ADAM9: variants seen among roughly 807,000 people sequenced by gnomAD.
The protein encoded by ADAM9 is ADAM metallopeptidase domain 9, also known as disintegrin and metalloproteinase domain-containing protein 9.
Under a neutral mutation model 108.1 loss-of-function variants are expected in ADAM9, and 54 were observed. The ratio of observed to expected loss-of-function variants is 0.50; its 90% CI spans 0.40 to 0.63. ADAM9 has a LOEUF of 0.63. Among genes scored for constraint, ADAM9 ranks in the 20% least tolerant of loss-of-function variants. ADAM9 has a pLI of 0.00. For synonymous variants in ADAM9, 316 were observed against 336.0 expected, an observed-to-expected ratio of 0.94 and a Z score of 0.65; for missense variants, 830 against 997.7, an observed-to-expected ratio of 0.83 and a Z score of 2.26.
intron 13 of ADAM9, 29 bp downstream of exon 13, chr8:39,054,602 G>GAAAAAAAAAAAAAAA: frequency 5.3e-6 from 5 of 944,768 alleles, no homozygotes; most frequent in Admixed American, 3.0e-5. Flanking sequence ...TTGGAAACAG[G>GAAAAAAAAAAAAAAA]AAAAAAAAAA....
intron 20 of ADAM9, among the ~76,000 whole-genome samples, chr8:39,093,279 A>G (rs994668618): frequency 4.6e-5 from 7 of 152,006 alleles, no homozygotes; most frequent in African/African-American, 1.7e-4. Flanking sequence ...TGTTTCATAG[A>G]TTTCCTTGTA....
intron 11 of ADAM9, among the ~76,000 whole-genome samples, chr8:39,027,428 C>T (rs142688236): frequency 5.3e-5 from 8 of 152,286 alleles, no homozygotes; most frequent in African/African-American, 1.2e-4. Flanking sequence ...CCATTTAAAA[C>T]GTATCCACTC....
At chr8:39,051,770 A>G (rs1171393240) in intron 12 of ADAM9, among the ~76,000 whole-genome samples, 1 of 152,150 alleles carries the variant, frequency 6.6e-6, no homozygotes, top group Non-Finnish European at 1.5e-5. Flanking sequence ...GTATCATTTT[A>G]TTATGTAGAC....
chr8:39,014,172 T>C (rs1265417655), intron 4 of ADAM9, 129 bp downstream of exon 4: 3 of 747,976 alleles, frequency 4.0e-6, no homozygotes, highest in Non-Finnish European at 6.9e-6. Context: ...TTATAACATA[T>C]GGGTTATCTT....
rs1564301873 is a variant in ADAM9 at position 39,045,439 on chromosome 8, C to CACACCTATATGTGCGT, written c.1302+3322_1302+3323insACACCTATATGTGCGT. 5.9e-3 allele frequency among the ~76,000 whole-genome samples: 201 copies of CACACCTATATGTGCGT among 34,298 alleles called. 16 individuals are homozygous for CACACCTATATGTGCGT. The highest frequency in any genetic ancestry group is 0.011 in the African/African-American group (127 of 11,432). 22.5% of individuals were successfully genotyped at this position (34,298 alleles called of 152,430 possible). A position where few individuals can be genotyped will look rare whatever the true frequency, so the allele number is the denominator to read the frequency against. Reference sequence around the variant, plus strand: ...GTGTGTACACACACCTATATGTGCGCGTGTGTACACACACCTATATGTGCG... The same window carrying CACACCTATATGTGCGT: ...GTGTGTACACACACCTATATGTGCGCACACCTATATGTGCGTGTGTGTACACACACCTATATGTGCG... On this transcript the variant is annotated intron_variant, in intron 12 of 21. Transcript: ENST00000487273.
chr8:39,013,876 T>C (rs62504420), intron 3 of ADAM9, 89 bp from the exon 4 acceptor site: 1 of 1,005,482 alleles, frequency 9.9e-7, no homozygotes, highest in Non-Finnish European at 1.6e-6. Flanking sequence ...TACTCCTGCT[T>C]GTCTCCTCTA....
chr8:39,003,571 A>G (rs1267362990), intron 1 of ADAM9, among the ~76,000 whole-genome samples: 1 of 151,954 alleles, frequency 6.6e-6, no homozygotes, highest in African/African-American at 2.4e-5. Context: ...TGACCTAGAG[A>G]TAAGAAAGGA....
In ADAM9 at chr8:39,071,367, G is replaced by C; in HGVS notation, c.1661G>C (p.Gly554Ala). ...AAAGGTGACAGATTTGGCAATTGTG[G>C]TTTCTCTGGCAATGAATACAAGAAG... ...NSKGDRFGNC[G>A]FSGNEYKKCA... Residue 554 changes from glycine to alanine, a missense_variant, in exon 15 of 22, where the codon GGT becomes GCT. Physicochemically the swap from Gly to Ala is moderately conservative, Grantham distance 60. This residue lies in a region of ADAM9 where 381 missense variants were observed against 539.8 expected (regional missense o/e 0.71). Coordinates refer to ENST00000487273, the MANE Select transcript of ADAM9 (RefSeq NM_003816.3). 6.2e-7 allele frequency: 1 copy of C among 1,613,842 alleles called. No homozygotes were observed. The highest frequency in any genetic ancestry group is 8.5e-7 in the Non-Finnish European group (1 of 1,179,926).
At chr8:39,002,870 G>A (rs543017988) in intron 1 of ADAM9, among the ~76,000 whole-genome samples, 22 of 151,614 alleles carry the variant, frequency 1.5e-4, no homozygotes, top group African/African-American at 4.1e-4. Flanking sequence ...AGTCTCCCTC[G>A]GAGGTTGCCC....
At chr8:39,014,131 C>A (rs532633984) in intron 4 of ADAM9, 88 bp downstream of exon 4, 17 of 1,028,624 alleles carry the variant, frequency 1.7e-5, no homozygotes, top group Non-Finnish European at 2.5e-5. Flanking sequence ...AGGACTGTTA[C>A]ATTGCACAGC....
rs1411157296 is a variant in ADAM9 at position 39,041,964 on chromosome 8, C to T, written c.1149C>T (p.Ser383=). Residue 383 remains serine, a synonymous_variant, in exon 12 of 22, where the codon AGC becomes AGT. Transcript: ENST00000487273. ...NSGASGSRNF[S]SCSAEDFEKL... Reference sequence around the variant, plus strand: ...ATTATAGGGGTTCCAGAAACTTTAGCAGTTGCAGTGCAGAGGACTTTGAGA... The same window carrying T: ...ATTATAGGGGTTCCAGAAACTTTAGTAGTTGCAGTGCAGAGGACTTTGAGA... The T allele has an allele frequency of 3.1e-6, 5 of 1,613,782 alleles. No homozygotes were observed. The highest frequency in any genetic ancestry group is 4.2e-6 in the Non-Finnish European group (5 of 1,179,850).
At chr8:39,003,159 A>C (rs1303377817) in intron 1 of ADAM9, among the ~76,000 whole-genome samples, 1 of 152,252 alleles carries the variant, frequency 6.6e-6, no homozygotes, top group East Asian at 1.9e-4. Context: ...AATTGTGTTT[A>C]AAATGCAAAA....
At chr8:39,015,429 A>G (rs1433875850) in intron 4 of ADAM9, 1 of 152,232 alleles carries the variant, frequency 6.6e-6, no homozygotes, top group Non-Finnish European at 1.5e-5. Flanking sequence ...CTTAAGTATC[A>G]TAAGTATGAT....
intron 12 of ADAM9, among the ~76,000 whole-genome samples, chr8:39,049,740 A>G (rs1309346158): frequency 2.6e-5 from 4 of 152,146 alleles, no homozygotes; most frequent in Middle Eastern, 3.2e-3. Flanking sequence ...CGCCCGGCCT[A>G]TAGTTACATT....
chr8:39,057,684 CT>C (rs1249532629), intron 14 of ADAM9, among the ~76,000 whole-genome samples: 1 of 152,086 alleles, frequency 6.6e-6, no homozygotes, highest in Non-Finnish European at 1.5e-5. Flanking sequence ...TTCAGGAAGA[CT>C]TTTCTCTTAC....
Position 39,101,927 on chromosome 8 carries a change from C to T in ADAM9, c.2363C>T (p.Ser788Leu). 1 of 1,613,194 alleles carries T rather than the reference C, an allele frequency of 6.2e-7. No homozygotes were observed. Among genetic ancestry groups the T allele is most frequent in the Non-Finnish European group, 8.5e-7 (1 of 1,179,278 alleles). ...GCCAAGCAACCTCAGCAGTTCCCAT[C>T]AAGGTCAGAAGAAAATTTGCTTAGA... ...YAAKQPQQFP[S>L]RPPPPQPKVS... Residue 788 changes from serine to leucine, a missense_variant, in exon 21 of 22, where the codon TCA (serine) becomes TTA (leucine). Coordinates refer to ENST00000487273, the MANE Select transcript of ADAM9 (RefSeq NM_003816.3).
intron 14 of ADAM9, among the ~76,000 whole-genome samples, chr8:39,067,954 A>T (rs192424942): frequency 6.6e-6 from 1 of 152,236 alleles, no homozygotes; most frequent in Admixed American, 6.5e-5. Context: ...TTTAGCATGA[A>T]GGGCTGTTGA....
At chr8:39,035,516 T>G (rs1837241551) in intron 11 of ADAM9, among the ~76,000 whole-genome samples, 1 of 152,182 alleles carries the variant, frequency 6.6e-6, no homozygotes, top group Non-Finnish European at 1.5e-5. Flanking sequence ...TATTTAAAAT[T>G]TTTTTTAAGA....
chr8:39,019,177 T>G (rs1836651663), intron 7 of ADAM9, among the ~76,000 whole-genome samples: 1 of 152,204 alleles, frequency 6.6e-6, no homozygotes, highest in African/African-American at 2.4e-5. Context: ...TTGCTTATGC[T>G]GAATTTTTTG....
Sources: allele counts gnomAD v4.1 joint callset (sites outside exome capture counted in the v4.1 genomes callset), GRCh38; gene constraint gnomAD v4.1.1; regional missense constraint gnomAD v4.1.1; transcripts MANE v1.5; gene names NCBI Gene and HGNC (gene_info 2026-07-23, HGNC 2026-07-21).